The following BCR variants were observed in gnomAD, a reference collection of about 807,000 sequenced individuals.
The protein encoded by BCR is BCR activator of RhoGEF and GTPase.
Under a neutral mutation model 138.6 loss-of-function variants are expected in BCR, and 58 were observed. That is an observed-to-expected ratio of 0.42 (90% CI 0.34 to 0.52). The LOEUF (loss-of-function observed/expected upper bound fraction) is 0.52, where lower values mean the gene tolerates loss of function less well. BCR is among the 20% of genes least tolerant of loss of function. BCR has a pLI of 0.06. For synonymous variants in BCR, 786 were observed against 730.1 expected, an observed-to-expected ratio of 1.08 and a Z score of -1.23; for missense variants, 1,599 against 1,727.2, an observed-to-expected ratio of 0.93 and a Z score of 1.32.
chr22:23,203,047 A>G (rs1373381865), intron 1 of BCR, among the ~76,000 whole-genome samples: 2 of 151,810 alleles, frequency 1.3e-5, no homozygotes, highest in African/African-American at 4.8e-5. Flanking sequence ...TTTTGTAGAG[A>G]CAGGGTCTTG....
At chr22:23,240,780 C>T (rs2073081202) in intron 1 of BCR, among the ~76,000 whole-genome samples, 1 of 152,172 alleles carries the variant, frequency 6.6e-6, no homozygotes. Flanking sequence ...TACTGTCCAT[C>T]TCCAGAACTT....
chr22:23,290,031 T>C, intron 13 of BCR: 1 of 524,590 alleles, frequency 1.9e-6, no homozygotes, highest in Non-Finnish European at 3.5e-6. Flanking sequence ...CAGCATACGC[T>C]ATGCACATGT....
In BCR at chr22:23,253,267, G is replaced by C. The variant is rs146985046; in HGVS notation, c.1280-532G>C. Among the ~76,000 whole-genome samples the C allele has an allele frequency of 2.3e-3, 349 of 152,294 alleles. 3 individuals carry two copies. Among genetic ancestry groups the C allele is most frequent in the African/African-American group, 8.0e-3 (333 of 41,566 alleles). On this transcript the variant is annotated intron_variant, in intron 1 of 22. Transcript: ENST00000305877. ...CCTGGCCTTTTGGACAGCCCTCATT[G>C]TGTAGGCATGATTGATTACGTCACT... is the stretch of plus-strand genomic sequence containing the variant.
intron 1 of BCR, among the ~76,000 whole-genome samples, chr22:23,236,311 C>T (rs1047928918): frequency 2.6e-5 from 4 of 152,226 alleles, no homozygotes; most frequent in Non-Finnish European, 4.4e-5. Flanking sequence ...TCCACCCTGC[C>T]GCACTCTATG....
At chr22:23,263,426 G>A in intron 4 of BCR, 3 of 1,322,756 alleles carry the variant, frequency 2.3e-6, no homozygotes, top group Non-Finnish European at 3.3e-6. Flanking sequence ...CTCAGAACTG[G>A]ATAGTGGGGT....
chr22:23,190,730 G>A (rs1424707858), intron 1 of BCR, among the ~76,000 whole-genome samples: 2 of 152,054 alleles, frequency 1.3e-5, no homozygotes, highest in African/African-American at 4.8e-5. Context: ...AGACGTGTTA[G>A]GAGGAGTGTG....
At chr22:23,221,356 C>G (rs1007430341) in intron 1 of BCR, among the ~76,000 whole-genome samples, 3 of 152,132 alleles carry the variant, frequency 2.0e-5, no homozygotes, top group Non-Finnish European at 4.4e-5. Context: ...AGGTTTTCTG[C>G]CCCATCCAGT....
intron 20 of BCR, among the ~76,000 whole-genome samples, chr22:23,313,488 C>A (rs908392361): frequency 6.6e-6 from 1 of 152,226 alleles, no homozygotes; most frequent in Non-Finnish European, 1.5e-5. Flanking sequence ...CTCCCGGGCC[C>A]ATGCACAGAG....
intron 2 of BCR, 175 bp from the exon 3 acceptor site, chr22:23,260,775 G>A: frequency 1.6e-6 from 1 of 621,804 alleles, no homozygotes; most frequent in South Asian, 1.8e-5. Flanking sequence ...GACTGTGAGT[G>A]TGTGGCTTAG....
intron 8 of BCR, among the ~76,000 whole-genome samples, chr22:23,277,192 G>A (rs1314786141): frequency 6.6e-6 from 1 of 152,244 alleles, no homozygotes; most frequent in African/African-American, 2.4e-5. Context: ...GTTCCCAAAG[G>A]GAGAAAGGGA....
Position 23,298,267 on chromosome 22 carries a change from C to A in BCR, c.3012+3112C>A, listed in dbSNP as rs139474946. 3.9e-5 allele frequency among the ~76,000 whole-genome samples: 6 copies of A among 152,230 alleles called. No individual in the cohort carries two copies. The East Asian group carries it at 1.2e-3, about 29-fold the overall frequency. On this transcript the variant is annotated intron_variant, in intron 16 of 22. Coordinates refer to ENST00000305877, the MANE Select transcript of BCR (RefSeq NM_004327.4). ...AAGACAGGCCAAAGTGATCGATCTC[C>A]CCCGGGGGATGGCGTGGGGTGAGGA...
chr22:23,295,549 C>T (rs1056446802), intron 16 of BCR, among the ~76,000 whole-genome samples: 5 of 152,032 alleles, frequency 3.3e-5, no homozygotes, highest in Non-Finnish European at 7.4e-5. Context: ...CCTGCAAGCA[C>T]AGGGGTCCCA....
Position 23,292,627 on chromosome 22 carries a change from A to G in BCR, c.2869A>G (p.Asn957Asp), listed in dbSNP as rs1482969188. 7 of 1,611,444 alleles carry G rather than the reference A, an allele frequency of 4.3e-6. No individual in the cohort carries two copies. Among genetic ancestry groups the G allele is most frequent in the Non-Finnish European group, 5.1e-6 (6 of 1,178,456 alleles). ...CGTCTACAGGGACACAGCTGAGCCA[A>G]ACTGGAACGAGGTGAGGAACTGATT... is the stretch of plus-strand genomic sequence containing the variant. ...TRVYRDTAEP[N>D]WNEEFEIELE... Residue 957 changes from asparagine to aspartate, a missense_variant, in exon 15 of 23, where the codon AAC becomes GAC. Physicochemically the swap from Asn to Asp is conservative, Grantham distance 23 (BLOSUM62 1). Coordinates refer to ENST00000305877, the MANE Select transcript of BCR (RefSeq NM_004327.4).
intron 8 of BCR, among the ~76,000 whole-genome samples, chr22:23,279,446 G>C (rs868072679): frequency 4.8e-4 from 73 of 152,332 alleles, no homozygotes; most frequent in African/African-American, 1.7e-3. Flanking sequence ...TCTGGAGTCT[G>C]CCACATCCCT....
At chr22:23,216,455 G>A (rs6003562) in intron 1 of BCR, among the ~76,000 whole-genome samples, 327 of 152,320 alleles carry the variant, frequency 2.1e-3, no homozygotes, top group African/African-American at 7.3e-3. Context: ...TAATACAAAA[G>A]GGGTTCCATT....
intron 4 of BCR, chr22:23,264,069 C>A: frequency 8.4e-7 from 1 of 1,190,778 alleles, no homozygotes; most frequent in South Asian, 1.2e-5. Flanking sequence ...CACCTATGTT[C>A]GCTACTGGGA....
chr22:23,264,896 C>T (rs1054815), intron 4 of BCR: 1 of 152,200 alleles, frequency 6.6e-6, no homozygotes, highest in Non-Finnish European at 1.5e-5. Context: ...CCCAGCAGTT[C>T]TGAGTGAGTT....
At chr22:23,296,708 G>A (rs1458577367) in intron 16 of BCR, among the ~76,000 whole-genome samples, 1 of 152,240 alleles carries the variant, frequency 6.6e-6, no homozygotes, top group South Asian at 2.1e-4. Flanking sequence ...TCAGGACGCT[G>A]AAGCGAGAGG....
chr22:23,259,609 T>C (rs543006022), intron 2 of BCR, among the ~76,000 whole-genome samples: 2 of 151,782 alleles, frequency 1.3e-5, no homozygotes, highest in Middle Eastern at 3.4e-3. Context: ...CTCCCCCTCC[T>C]GTGTTCAGGC....
Sources: allele counts gnomAD v4.1 joint callset (sites outside exome capture counted in the v4.1 genomes callset), GRCh38; gene constraint gnomAD v4.1.1; transcripts MANE v1.5; gene names NCBI Gene and HGNC (gene_info 2026-07-23, HGNC 2026-07-21).